Variants in CORO2B observed in about 807,000 individuals in gnomAD.
CORO2B encodes the protein coronin-2B.
In CORO2B, 26 loss-of-function variants were observed where a neutral mutation model predicts 58.8. That is an observed-to-expected ratio of 0.44 (90% CI 0.32 to 0.61). The LOEUF (loss-of-function observed/expected upper bound fraction) is 0.61. Ranked by LOEUF, CORO2B falls within the 20% of genes least tolerant of loss-of-function variation. CORO2B has a pLI of 0.04. For missense variants in CORO2B, 460 were observed against 645.1 expected (o/e 0.71, Z 3.11); for synonymous variants, 242 against 253.8 (o/e 0.95, Z 0.44).
At chr15:68,720,833 G>A (rs1332524426) in intron 11 of CORO2B, among the ~76,000 whole-genome samples, 1 of 152,126 alleles carries the variant, frequency 6.6e-6, no homozygotes, top group Non-Finnish European at 1.5e-5. Flanking sequence ...TTGAGGAGAG[G>A]GGATAAAATG....
Position 68,628,579 on chromosome 15 carries a change from G to A in CORO2B, c.16-16581G>A, listed in dbSNP as rs532871762. Among the ~76,000 whole-genome samples, 16 of 152,320 alleles carry A rather than the reference G, an allele frequency of 1.1e-4. No homozygotes were observed. In the South Asian group the frequency reaches 3.1e-3, roughly 30 times the overall value. ...TCAAGGGACTTTACAATAGCTACAT[G>A]TATTAAGCCCATGGTATGAGCAAAG... On this transcript the variant is annotated intron_variant, in intron 1 of 11. Coordinates refer to ENST00000261861, the MANE Select transcript of CORO2B (RefSeq NM_006091.5).
chr15:68,558,129 C>T, the CORO2B span, among the ~76,000 whole-genome samples: 2 of 152,154 alleles, frequency 1.3e-5, no homozygotes, highest in African/African-American at 2.4e-5. Context: ...AGTCAGTGAG[C>T]TGGGCCAGCC....
chr15:68,640,387 TAA>T (rs1261100449), intron 1 of CORO2B, among the ~76,000 whole-genome samples: 2 of 152,152 alleles, frequency 1.3e-5, no homozygotes, highest in African/African-American at 4.8e-5. Context: ...ACCTAACTCT[TAA>T]AGTTTACAAG....
intron 1 of CORO2B, among the ~76,000 whole-genome samples, chr15:68,586,567 ACAT>A (rs1382932967): frequency 2.0e-5 from 3 of 152,206 alleles, no homozygotes; most frequent in Admixed American, 6.5e-5. Context: ...CCTCAGAGTG[ACAT>A]CATGGCATAG....
the CORO2B span, among the ~76,000 whole-genome samples, chr15:68,547,420 A>T: frequency 6.6e-6 from 1 of 152,232 alleles, no homozygotes; most frequent in Non-Finnish European, 1.5e-5. Flanking sequence ...TACAGAGACC[A>T]TCACAGGCAT....
chr15:68,617,543 G>A (rs1900394694), intron 1 of CORO2B, among the ~76,000 whole-genome samples: 1 of 152,128 alleles, frequency 6.6e-6, no homozygotes, highest in African/African-American at 2.4e-5. Flanking sequence ...GTGTGTCTGT[G>A]ACTATATATG....
chr15:68,657,617 A>G (rs1901856880), intron 2 of CORO2B, among the ~76,000 whole-genome samples: 1 of 151,062 alleles, frequency 6.6e-6, no homozygotes, highest in African/African-American at 2.4e-5. Context: ...CCCATGATTG[A>G]GTGTAGGACA....
At chr15:68,669,141 A>C (rs1818368036) in intron 2 of CORO2B, among the ~76,000 whole-genome samples, 1 of 151,872 alleles carries the variant, frequency 6.6e-6, no homozygotes, top group African/African-American at 2.4e-5. Context: ...AAGAAAGGAA[A>C]GAAGAAAGAA....
chr15:68,632,040 G>A, intron 1 of CORO2B: 1 of 985,466 alleles, frequency 1.0e-6, no homozygotes. Context: ...AGGGTGACTA[G>A]CAGCCAGGCC....
At chr15:68,577,445 C>G (rs1338717273), upstream of CORO2B, among the ~76,000 whole-genome samples, 1 of 151,984 alleles carries the variant, frequency 6.6e-6, no homozygotes, top group Non-Finnish European at 1.5e-5. Flanking sequence ...ATGGCAGGGC[C>G]GGGGGCGGTT....
At chr15:68,687,358 T>C (rs184260803) in intron 2 of CORO2B, among the ~76,000 whole-genome samples, 1 of 152,326 alleles carries the variant, frequency 6.6e-6, no homozygotes, top group East Asian at 1.9e-4. Flanking sequence ...TCTGCAGTGA[T>C]GGGAGAATCT....
chr15:68,620,676 A>T (rs1900490683), intron 1 of CORO2B, among the ~76,000 whole-genome samples: 2 of 151,990 alleles, frequency 1.3e-5, no homozygotes, highest in African/African-American at 4.8e-5. Context: ...TTTTAATCTG[A>T]GTCTTATCAA....
At chr15:68,544,289 T>C in the CORO2B span, among the ~76,000 whole-genome samples, 2 of 152,218 alleles carry the variant, frequency 1.3e-5, no homozygotes, top group Non-Finnish European at 2.9e-5. Flanking sequence ...TAACAAGATG[T>C]AAAAACATGC....
chr15:68,586,717 G>T (rs12903191), intron 1 of CORO2B, among the ~76,000 whole-genome samples: 7 of 151,846 alleles, frequency 4.6e-5, no homozygotes, highest in African/African-American at 1.7e-4. Flanking sequence ...TTTCCTTCCC[G>T]CTGCCTGCTG....
rs1221832244 is a variant in CORO2B at position 68,714,583 on chromosome 15, G to A, written c.790G>A (p.Glu264Lys). 2.5e-6 allele frequency: 4 copies of A among 1,614,084 alleles called. No individual in the cohort carries two copies. The highest frequency in any genetic ancestry group is 1.7e-6 in the Non-Finnish European group (2 of 1,179,982). Residue 264 changes from glutamate (E) to lysine (K), a missense_variant, in exon 7 of 12, where the codon GAA becomes AAA. By Grantham distance (56) the Glu-to-Lys change is moderately conservative (BLOSUM62 1). Transcript: ENST00000261861. The stretch of plus-strand genomic sequence containing the variant: ...GGAGGACCTCTCCATGCCCCTGATC[G>A]AAGAGGAAATTGATGGGCTCTCTGG... ...DQEDLSMPLI[E>K]EEIDGLSGLL...
At chr15:68,542,640 G>A in the CORO2B span, among the ~76,000 whole-genome samples, 7 of 152,330 alleles carry the variant, frequency 4.6e-5, no homozygotes, top group Middle Eastern at 3.4e-3. Flanking sequence ...CTGTGACTCC[G>A]TGGCAATACC....
At chr15:68,610,496 T>C (rs1237699478) in intron 1 of CORO2B, among the ~76,000 whole-genome samples, 1 of 151,994 alleles carries the variant, frequency 6.6e-6, no homozygotes, top group Non-Finnish European at 1.5e-5. Context: ...GACCCCTTGC[T>C]CTTTCGCTCA....
chr15:68,648,029 C>CAAAA lies in CORO2B; in HGVS notation c.216+2685_216+2688dup, dbSNP rs59821203. ...GGCAACGGAGAAAGATCCTGTCTCT[C>CAAAA]AAAAAAAAAAAAAAAAAAAGAGTCT... On this transcript the variant is annotated intron_variant, in intron 2 of 11. Coordinates refer to ENST00000261861, the MANE Select transcript of CORO2B (RefSeq NM_006091.5). Among the ~76,000 whole-genome samples, 19 of 84,158 alleles carry CAAAA rather than the reference C, an allele frequency of 2.3e-4. 1 individual carries two copies. The highest frequency in any genetic ancestry group is 3.3e-4 in the Non-Finnish European group (15 of 46,056). The allele number at this position is 84,158 out of a possible 152,430, so 55.2% of individuals were successfully genotyped here.
chr15:68,560,114 G>C, the CORO2B span, among the ~76,000 whole-genome samples: 1 of 152,184 alleles, frequency 6.6e-6, no homozygotes, highest in Non-Finnish European at 1.5e-5. Flanking sequence ...CCCGTGCAGT[G>C]CTCAGGCATT....
Sources: allele counts gnomAD v4.1 joint callset (sites outside exome capture counted in the v4.1 genomes callset), GRCh38; gene constraint gnomAD v4.1.1; transcripts MANE v1.5; gene names NCBI Gene and HGNC (gene_info 2026-07-23, HGNC 2026-07-21).